The following HDAC9 variants were observed in gnomAD, a reference collection of about 807,000 sequenced individuals.
The protein encoded by HDAC9 is MEF-2 interacting transcription repressor (MITR) protein.
A neutral mutation model predicts 139.4 loss-of-function variants in HDAC9; 41 were observed. The observed-to-expected ratio is 0.29, with a 90% CI of 0.23 to 0.38. The LOEUF (loss-of-function observed/expected upper bound fraction) is 0.38, where lower values mean the gene tolerates loss of function less well. Among genes scored for constraint, HDAC9 ranks in the 10% least tolerant of loss-of-function variants. The pLI is 1.00. For synonymous variants in HDAC9, 517 were observed against 476.2 expected (o/e 1.09, Z -1.12); for missense variants, 1,147 against 1,297.0 (o/e 0.88, Z 1.78).
Position 18,392,315 on chromosome 7 carries a change from T to TCACACACACACA in HDAC9, c.-42+101826_-42+101837dup, listed in dbSNP as rs57932620. ...GTCTCTCTCTCTCTCTCTCTCTCTC[T>TCACACACACACA]CACACACACACACACACACACACAC... On this transcript the variant is annotated intron_variant, in intron 1 of 3. Transcript: ENST00000413509. Among the ~76,000 whole-genome samples, 32 of 119,352 alleles carry TCACACACACACA rather than the reference T, an allele frequency of 2.7e-4. 1 individual carries two copies. The highest frequency in any genetic ancestry group is 6.3e-4 in the African/African-American group (19 of 30,114). The allele number at this position is 119,352 out of a possible 152,430, so 78.3% of individuals were successfully genotyped here. A position where few individuals can be genotyped will look rare whatever the true frequency, so the allele number is the denominator to read the frequency against.
intron 1 of HDAC9, among the ~76,000 whole-genome samples, chr7:18,107,308 T>C (rs1436736175): frequency 6.6e-6 from 1 of 152,200 alleles, no homozygotes; most frequent in Non-Finnish European, 1.5e-5. Context: ...AAAAAAATCT[T>C]TACAACTAAA....
At chr7:18,223,108 T>C (rs1792814727) in intron 2 of HDAC9, among the ~76,000 whole-genome samples, 1 of 152,172 alleles carries the variant, frequency 6.6e-6, no homozygotes, top group African/African-American at 2.4e-5. Flanking sequence ...GAGAAGAATG[T>C]CATATGTTTG....
intron 2 of HDAC9, among the ~76,000 whole-genome samples, chr7:18,250,118 A>T (rs917214961): frequency 6.6e-6 from 1 of 152,222 alleles, no homozygotes; most frequent in Non-Finnish European, 1.5e-5. Context: ...CCTTATTTAG[A>T]TATGATACTC....
chr7:18,975,896 C>T lies in HDAC9; in HGVS notation c.3113C>T (p.Ser1038Phe), dbSNP rs2129337882. 6.2e-7 allele frequency: 1 copy of T among 1,613,882 alleles called. No individual in the cohort carries two copies. The highest frequency in any genetic ancestry group is 8.5e-7 in the Non-Finnish European group (1 of 1,179,834). The part of the protein sequence containing the change: ...AQLQEETETV[S>F]ALASLTVDVE... ...TTGCAAGAGGAGACAGAGACCGTTT[C>T]TGCCCTGGCCTCCCTAACAGTGGAT... Residue 1038 changes from serine (S) to phenylalanine (F), a missense_variant, in exon 25 of 26, where the codon TCT becomes TTT. By Grantham distance (155) the Ser-to-Phe change is radical. Around this residue, in one of 7 missense-constraint regions of HDAC9, gnomAD observed 407 missense variants for 521.5 expected, o/e 0.78. Coordinates refer to ENST00000686413, the MANE Select transcript of HDAC9 (RefSeq NM_178425.4).
intron 2 of HDAC9, among the ~76,000 whole-genome samples, chr7:18,163,465 C>T (rs1315016220): frequency 1.3e-5 from 2 of 152,186 alleles, no homozygotes; most frequent in African/African-American, 4.8e-5. Context: ...TTAAAACAAG[C>T]CCTATTCTCA....
At chr7:18,738,915 G>C (rs1787181143) in intron 13 of HDAC9, among the ~76,000 whole-genome samples, 1 of 152,082 alleles carries the variant, frequency 6.6e-6, no homozygotes, top group African/African-American at 2.4e-5. Context: ...TGTAGATTTG[G>C]TCTTTTCACA....
intron 2 of HDAC9, among the ~76,000 whole-genome samples, chr7:18,510,142 T>C (rs1801034693): frequency 6.6e-6 from 1 of 152,214 alleles, no homozygotes; most frequent in African/African-American, 2.4e-5. Flanking sequence ...ATTAAAATTA[T>C]TCATTATAGA....
intron 23 of HDAC9, among the ~76,000 whole-genome samples, chr7:18,941,084 C>T (rs1341341050): frequency 1.3e-5 from 2 of 151,942 alleles, no homozygotes; most frequent in Non-Finnish European, 2.9e-5. Context: ...AGCATTTACA[C>T]TTGGAGCATA....
intron 22 of HDAC9, among the ~76,000 whole-genome samples, chr7:18,919,974 A>G (rs1375572818): frequency 1.3e-5 from 2 of 152,096 alleles, no homozygotes; most frequent in Non-Finnish European, 2.9e-5. Context: ...TGACTTGGCA[A>G]TGCGGGCTCT....
intron 17 of HDAC9, among the ~76,000 whole-genome samples, chr7:18,813,214 G>A (rs1794316194): frequency 1.3e-5 from 2 of 151,812 alleles, no homozygotes; most frequent in African/African-American, 4.8e-5. Flanking sequence ...CATCTTCTAG[G>A]CATTGTGTTA....
intron 2 of HDAC9, among the ~76,000 whole-genome samples, chr7:18,275,468 C>T (rs1234473389): frequency 2.0e-5 from 3 of 152,180 alleles, no homozygotes; most frequent in African/African-American, 7.2e-5. Context: ...TCTCAAAGCC[C>T]AGCAGTGGCT....
At chr7:18,829,697 G>C (rs1795719174) in intron 19 of HDAC9, 149 bp downstream of exon 19, 3 of 590,934 alleles carry the variant, frequency 5.1e-6, no homozygotes. Context: ...ATTAAACTCA[G>C]GATTGCAGTT....
At chr7:18,118,579 A>G (rs1262691821) in intron 1 of HDAC9, among the ~76,000 whole-genome samples, 4 of 152,236 alleles carry the variant, frequency 2.6e-5, no homozygotes, top group African/African-American at 7.2e-5. Flanking sequence ...AGAGGAATTT[A>G]ATGATATAGT....
chr7:18,933,248 T>C (rs1244730819), intron 22 of HDAC9, among the ~76,000 whole-genome samples: 1 of 152,166 alleles, frequency 6.6e-6, no homozygotes, highest in Non-Finnish European at 1.5e-5. Flanking sequence ...GAATAAAGAC[T>C]GCCAAGTAAA....
At chr7:18,655,179 G>C (rs561857177) in intron 11 of HDAC9, among the ~76,000 whole-genome samples, 1 of 152,248 alleles carries the variant, frequency 6.6e-6, no homozygotes, top group East Asian at 1.9e-4. Context: ...TTTCATTTAG[G>C]AAAGTAGGCA....
chr7:18,689,814 AT>A (rs1183394780), intron 12 of HDAC9, among the ~76,000 whole-genome samples: 1 of 151,962 alleles, frequency 6.6e-6, no homozygotes, highest in Non-Finnish European at 1.5e-5. Context: ...TAAAATAAGC[AT>A]TTTTGGTGTA....
At chr7:18,587,941 C>T (rs905810290) in intron 3 of HDAC9, among the ~76,000 whole-genome samples, 9 of 152,116 alleles carry the variant, frequency 5.9e-5, no homozygotes, top group African/African-American at 2.2e-4. Context: ...ATTAATTTGA[C>T]CAACCCAAGT....
chr7:18,365,664 T>C (rs2128694907), intron 1 of HDAC9, among the ~76,000 whole-genome samples: 1 of 151,558 alleles, frequency 6.6e-6, no homozygotes, highest in Admixed American at 6.6e-5. Flanking sequence ...AAAAAGCAAA[T>C]AAAGCCTACA....
chr7:18,940,958 C>T (rs994901796), intron 23 of HDAC9, among the ~76,000 whole-genome samples: 1 of 152,026 alleles, frequency 6.6e-6, no homozygotes, highest in African/African-American at 2.4e-5. Flanking sequence ...AGAAGATCAC[C>T]TGTCAATACC....
Sources: gnomAD v4.1 joint callset for allele counts (sites outside exome capture counted in the v4.1 genomes callset) on GRCh38, gnomAD v4.1.1 for gene constraint, gnomAD v4.1.1 regional missense constraint, MANE v1.5 for transcripts, NCBI Gene and HGNC (gene_info 2026-07-23, HGNC 2026-07-21) for gene names.